PKD1: variants seen among roughly 807,000 people sequenced by gnomAD.
The protein encoded by PKD1 is polycystin-1.
PKD1 carries 81 observed loss-of-function variants against 361.7 expected under a neutral mutation model. The ratio of observed to expected loss-of-function variants is 0.22; its 90% CI spans 0.19 to 0.27. PKD1 has a LOEUF of 0.27. Among genes scored for constraint, PKD1 ranks in the 10% least tolerant of loss-of-function variants. PKD1 has a pLI of 1.00. For missense variants in PKD1, 6,399 were observed against 6,118.3 expected (o/e 1.05, Z -1.53); for synonymous variants, 3,615 against 2,818.3 (o/e 1.28, Z -8.95).
At chr16:2,101,068 C>T (rs976270467) in intron 26 of PKD1, among the ~76,000 whole-genome samples, 2 of 152,050 alleles carry the variant, frequency 1.3e-5, no homozygotes, top group Non-Finnish European at 2.9e-5. Flanking sequence ...TCACTGCAAG[C>T]TCCGCCTCCC....
chr16:2,123,752 G>A (rs1212653693), intron 1 of PKD1, among the ~76,000 whole-genome samples: 1 of 152,164 alleles, frequency 6.6e-6, no homozygotes, highest in Non-Finnish European at 1.5e-5. Context: ...GGTCCTCTGG[G>A]GTCCCAGGCC....
At chr16:2,114,118 T>C (rs1313435191) in intron 11 of PKD1, 52 bp downstream of exon 11, 1 of 1,522,644 alleles carries the variant, frequency 6.6e-7, no homozygotes, top group Non-Finnish European at 9.0e-7. Flanking sequence ...GTGAGCACCC[T>C]GTCTGCAGGC....
rs2091909704 is a variant in PKD1 at position 2,097,857 on chromosome 16, A to G, written c.10167+11T>C. ...CCCAGCCCAGCCCAGGACCCCCAGT[A>G]GAGTCCTCACCTCAGCGTGGAGGCC... On this transcript the variant is annotated intron_variant, in intron 31 of 45. Transcript: ENST00000262304. 1.6e-5 allele frequency: 25 copies of G among 1,605,612 alleles called. No individual in the cohort carries two copies. Among genetic ancestry groups the G allele is most frequent in the Non-Finnish European group, 2.1e-5 (25 of 1,174,780 alleles).
At chr16:2,111,957 C>A in intron 14 of PKD1, 86 bp from the exon 15 acceptor site, 1 of 1,407,114 alleles carries the variant, frequency 7.1e-7, no homozygotes, top group South Asian at 1.2e-5. Flanking sequence ...CTGAGGAGCC[C>A]GGGGTGAACG....
In PKD1 at chr16:2,122,653, G is replaced by A. The variant is rs540895997; in HGVS notation, c.216-3275C>T. 1.2e-4 allele frequency among the ~76,000 whole-genome samples: 18 copies of A among 152,368 alleles called. No individual in the cohort carries two copies. The South Asian group carries it at 2.9e-3, about 25-fold the overall frequency. On this transcript the variant is annotated intron_variant, in intron 1 of 45. Coordinates refer to ENST00000262304, the MANE Select transcript of PKD1 (RefSeq NM_001009944.3). The stretch of plus-strand genomic sequence containing the variant: ...CACCCACTGCCCAAGCACCATGCCC[G>A]AGGGGGAACACTGTGCCGTGAGGAA...
rs2091350325 is a variant in PKD1 at position 2,089,472 on chromosome 16, A to C, written c.*255T>G. ...ACCTGAGGACTCGGGGAAATAAATT[A>C]GCATCTCAGAGGCTAGAAACCGTCC... is the stretch of plus-strand genomic sequence containing the variant. On this transcript the variant is annotated 3_prime_UTR_variant, in exon 46 of 46. Coordinates refer to ENST00000262304, the MANE Select transcript of PKD1 (RefSeq NM_001009944.3). 1.8e-6 allele frequency: 1 copy of C among 554,096 alleles called. No individual in the cohort carries two copies. Among genetic ancestry groups the C allele is most frequent in the African/African-American group, 1.9e-5 (1 of 52,842 alleles). 34.3% of individuals were successfully genotyped at this position (554,096 alleles called of 1,614,324 possible).
rs112999763 is a variant in PKD1, at chr16:2,092,373, C to T, written c.11269+107G>A. The stretch of plus-strand genomic sequence containing the variant: ...GAAGGAAACGGCGGTGTTAAGAGGG[C>T]AAAGGTCACACAGCTAGGGAGCAGG... On this transcript the variant is annotated intron_variant, in intron 39 of 45. Transcript: ENST00000262304. The T allele has an allele frequency of 1.6e-5, 16 of 973,930 alleles. No individual in the cohort carries two copies. The African/African-American group carries it at 1.9e-4, about 12-fold the overall frequency. The allele number at this position is 973,930 out of a possible 1,614,324, so 60.3% of individuals were successfully genotyped here. A position where few individuals can be genotyped will look rare whatever the true frequency, so the allele number is the denominator to read the frequency against.
At chr16:2,104,382 G>C (rs1192186033) in intron 22 of PKD1, 116 bp downstream of exon 22, 11 of 592,958 alleles carry the variant, frequency 1.9e-5, no homozygotes, top group Non-Finnish European at 3.0e-5. Flanking sequence ...GAATTGGGGG[G>C]AGGGGAGGGG....
In PKD1 at chr16:2,118,011, C is replaced by T. The variant is rs1453295105; in HGVS notation, c.981G>A (p.Leu327=). The T allele has an allele frequency of 1.9e-6, 3 of 1,591,796 alleles. No individual in the cohort carries two copies. Among genetic ancestry groups the T allele is most frequent in the South Asian group, 2.2e-5 (2 of 90,520 alleles). The change falls in exon 5 of 46, where the codon CTG becomes CTA. Residue 327 remains leucine (L), a synonymous_variant. Coordinates refer to ENST00000262304, the MANE Select transcript of PKD1 (RefSeq NM_001009944.3). This position sits in a 1 kb window ranked among gnomAD's most constrained non-coding sequence, Gnocchi z 6.0. ...AGPAASHRYV[L]PGRYHVTAVL... is the part of the protein sequence containing the mutation. Reference sequence around the variant, plus strand: ...CGGCCGTCACGTGATAGCGCCCAGGCAGCACATAGCGATGCGAGGCAGCCG... The same window carrying T: ...CGGCCGTCACGTGATAGCGCCCAGGTAGCACATAGCGATGCGAGGCAGCCG...
intron 10 of PKD1, 83 bp downstream of exon 10, chr16:2,115,295 G>C (rs1433043091): frequency 1.2e-5 from 17 of 1,372,642 alleles, no homozygotes; most frequent in Admixed American, 4.1e-5. Flanking sequence ...GGTGTGTCTG[G>C]TGCACAGACC....
intron 23 of PKD1, 120 bp downstream of exon 23, chr16:2,103,146 C>T (rs1415818354): frequency 6.7e-6 from 9 of 1,339,596 alleles, no homozygotes; most frequent in Non-Finnish European, 9.3e-6. Context: ...GCCAGGCCCC[C>T]AGCAGCCCAT....
In PKD1 at chr16:2,112,421, T is replaced by C. The variant is rs766258956; in HGVS notation, c.3214A>G (p.Asn1072Asp). 24 of 1,585,774 alleles carry C rather than the reference T, an allele frequency of 1.5e-5. No homozygotes were observed. The Admixed American group carries it at 3.9e-4, about 26-fold the overall frequency. Residue 1072 changes from asparagine (N) to aspartate (D), a missense_variant, in exon 14 of 46, where the codon AAC (asparagine) becomes GAC (aspartate). By Grantham distance (23) the Asn-to-Asp change is conservative (BLOSUM62 1). Coordinates refer to ENST00000262304, the MANE Select transcript of PKD1 (RefSeq NM_001009944.3). ...QALHQFQPPY[N>D]ESFPVPDPSV... ...GGGTCTGGAACCGGGAAGGACTCGT[T>C]GTACGGAGGCTGGAACTGGTGGAGG...
chr16:2,099,420 G>C, intron 30 of PKD1: 1 of 641,206 alleles, frequency 1.6e-6, no homozygotes, highest in Non-Finnish European at 2.9e-6. Flanking sequence ...CGTGGCGTCT[G>C]CTTAGCAAAG....
At chr16:2,120,519 T>C (rs1214100199) in intron 1 of PKD1, among the ~76,000 whole-genome samples, 3 of 151,980 alleles carry the variant, frequency 2.0e-5, no homozygotes, top group Admixed American at 6.6e-5. Context: ...ATGGACAGCA[T>C]AGCAAGACCC....
intron 16 of PKD1, 193 bp from the exon 17 acceptor site, chr16:2,107,141 G>A (rs1205374413): frequency 6.0e-6 from 4 of 662,450 alleles, no homozygotes; most frequent in Non-Finnish European, 1.1e-5. Context: ...GGCATACACA[G>A]GGCAGAGGAC....
At position 2,112,982 on chromosome 16, in the gene PKD1, G is replaced by C. The variant is rs771905912; in HGVS notation, c.2986-19C>G. ...CCGTCAGCTGCAGGGACAGGCGTCA[G>C]TGAGCCCAGGTGGCAGGTGAGAGGC... On this transcript the variant is annotated intron_variant, in intron 12 of 45. Coordinates refer to ENST00000262304, the MANE Select transcript of PKD1 (RefSeq NM_001009944.3). The C allele has an allele frequency of 6.3e-7, 1 of 1,593,640 alleles. No individual in the cohort carries two copies. The highest frequency in any genetic ancestry group is 1.7e-5 in the Admixed American group (1 of 60,014).
At chr16:2,093,760 A>AGG in intron 36 of PKD1, 22 bp from the exon 37 acceptor site, 5 of 1,568,300 alleles carry the variant, frequency 3.2e-6, no homozygotes, top group Non-Finnish European at 4.3e-6. Context: ...GTGGCTTCAG[A>AGG]GGGGTCCCCC....
At position 2,094,017 on chromosome 16, in the gene PKD1, G is replaced by C. The variant is rs1306356158; in HGVS notation, c.10619-4C>G. 2 of 1,590,618 alleles carry C rather than the reference G, an allele frequency of 1.3e-6. No individual in the cohort carries two copies. On this transcript the variant is annotated splice_region_variant and splice_polypyrimidine_tract_variant and intron_variant, in intron 35 of 45. Transcript: ENST00000262304. ...TTCCGCAGACCCTCCACCAGTCCTGGGGAAGCAGAGACAGACCTGTGAGAG... is the reference window on the plus strand; with the variant it reads ...TTCCGCAGACCCTCCACCAGTCCTGCGGAAGCAGAGACAGACCTGTGAGAG...
chr16:2,092,022 C>T (rs1207683239), intron 40 of PKD1, 25 bp downstream of exon 40: 4 of 1,612,604 alleles, frequency 2.5e-6, no homozygotes, highest in Admixed American at 3.3e-5. Flanking sequence ...TTGGCGTAGA[C>T]GCCCGGGGCC....
Sources: allele counts gnomAD v4.1 joint callset (sites outside exome capture counted in the v4.1 genomes callset), GRCh38; gene constraint gnomAD v4.1.1; non-coding constraint Gnocchi (gnomAD v3.1); transcripts MANE v1.5; gene names NCBI Gene and HGNC (gene_info 2026-07-23, HGNC 2026-07-21).